The following DCC variants were observed in gnomAD, a reference collection of about 807,000 sequenced individuals.
DCC encodes DCC netrin 1 receptor.
Under a neutral mutation model 172.5 loss-of-function variants are expected in DCC, and 58 were observed. The observed-to-expected ratio is 0.34, with a 90% CI of 0.27 to 0.42. The LOEUF (loss-of-function observed/expected upper bound fraction) is 0.42. Among genes scored for constraint, DCC ranks in the 10% least tolerant of loss-of-function variants. DCC has a pLI of 1.00. For synonymous variants in DCC, 709 were observed against 644.5 expected, an observed-to-expected ratio of 1.10 and a Z score of -1.52; for missense variants, 1,740 against 1,791.0, an observed-to-expected ratio of 0.97 and a Z score of 0.51.
chr18:52,895,056 G>T (rs1234121093), intron 2 of DCC, among the ~76,000 whole-genome samples: 1 of 152,154 alleles, frequency 6.6e-6, no homozygotes, highest in African/African-American at 2.4e-5. Context: ...GTGCAGGTAG[G>T]GGTGCATGGA....
At chr18:52,620,894 G>A (rs747660494) in intron 1 of DCC, among the ~76,000 whole-genome samples, 4 of 152,148 alleles carry the variant, frequency 2.6e-5, no homozygotes, top group Non-Finnish European at 5.9e-5. Flanking sequence ...TATGCTGAAC[G>A]CTAGTTACTG....
At chr18:52,541,897 G>GTATATATATATATATATATATATATA (rs1330162034) in intron 1 of DCC, among the ~76,000 whole-genome samples, 5 of 43,460 alleles carry the variant, frequency 1.2e-4, no homozygotes, top group African/African-American at 4.2e-4. Context: ...ATATATATAT[G>GTATATATATATATATATATATATATA]TGTATATATA....
At chr18:53,453,445 C>T (rs940681290) in intron 23 of DCC, among the ~76,000 whole-genome samples, 2 of 151,608 alleles carry the variant, frequency 1.3e-5, no homozygotes, top group Non-Finnish European at 2.9e-5. Context: ...TTTTGGGGTT[C>T]TAGAGAATAT....
At chr18:52,356,017 A>C (rs1241497820) in intron 1 of DCC, among the ~76,000 whole-genome samples, 1 of 152,222 alleles carries the variant, frequency 6.6e-6, no homozygotes, top group Non-Finnish European at 1.5e-5. Context: ...TCCAGGCACC[A>C]GATCTCATCA....
At chr18:52,435,912 T>A (rs1234215989) in intron 1 of DCC, among the ~76,000 whole-genome samples, 1 of 152,154 alleles carries the variant, frequency 6.6e-6, no homozygotes, top group Non-Finnish European at 1.5e-5. Context: ...ATATACACAA[T>A]CCTGCCCGCT....
chr18:52,886,210 A>C (rs770661704), intron 2 of DCC, among the ~76,000 whole-genome samples: 1 of 152,096 alleles, frequency 6.6e-6, no homozygotes, highest in Non-Finnish European at 1.5e-5. Context: ...CTCTAAGCCC[A>C]GCCCAGGACT....
intron 7 of DCC, among the ~76,000 whole-genome samples, chr18:53,141,397 T>A (rs1221291815): frequency 6.6e-6 from 1 of 152,204 alleles, no homozygotes; most frequent in Non-Finnish European, 1.5e-5. Flanking sequence ...AAATTATTTA[T>A]CATAATCGTT....
chr18:53,495,389 CAAAAAA>C (rs71179511), intron 26 of DCC, among the ~76,000 whole-genome samples: 5 of 116,690 alleles, frequency 4.3e-5, no homozygotes, highest in Admixed American at 9.4e-5. Context: ...GACTCCATCT[CAAAAAA>C]AAAAAAAAAA....
intron 1 of DCC, among the ~76,000 whole-genome samples, chr18:52,679,556 A>G (rs2035707350): frequency 6.6e-6 from 1 of 152,120 alleles, no homozygotes; most frequent in South Asian, 2.1e-4. Context: ...GCAGGCCCAT[A>G]CTGTTTATCT....
intron 1 of DCC, among the ~76,000 whole-genome samples, chr18:52,364,976 T>C (rs1174487549): frequency 3.3e-5 from 5 of 152,098 alleles, no homozygotes; most frequent in Non-Finnish European, 7.4e-5. Flanking sequence ...ACTCTAAATA[T>C]GTAGAAAGTT....
intron 18 of DCC, among the ~76,000 whole-genome samples, chr18:53,402,379 G>T (rs1423669555): frequency 7.4e-6 from 1 of 134,278 alleles, no homozygotes; most frequent in East Asian, 2.2e-4. Context: ...AACAGAGCAA[G>T]ACCCTGTCTC....
chr18:53,452,296 T>C (rs1655809464), intron 23 of DCC, among the ~76,000 whole-genome samples: 2 of 152,348 alleles, frequency 1.3e-5, no homozygotes, highest in East Asian at 3.9e-4. Flanking sequence ...GCCTACCATA[T>C]AACTGCTTTC....
chr18:53,080,300 A>G (rs192656208), intron 7 of DCC, among the ~76,000 whole-genome samples: 202 of 152,186 alleles, frequency 1.3e-3, no homozygotes, highest in African/African-American at 4.5e-3. Flanking sequence ...AGGAAGAATG[A>G]CTTAAGTCCA....
chr18:53,293,806 G>A (rs1325615252), intron 12 of DCC, among the ~76,000 whole-genome samples: 3 of 152,038 alleles, frequency 2.0e-5, no homozygotes, highest in East Asian at 1.9e-4. Flanking sequence ...ATAGAGCTCC[G>A]AGCTTCATAT....
intron 5 of DCC, among the ~76,000 whole-genome samples, chr18:53,003,247 C>T (rs2041594133): frequency 6.6e-6 from 1 of 152,082 alleles, no homozygotes; most frequent in Non-Finnish European, 1.5e-5. Flanking sequence ...CAAGAAATCA[C>T]CATCCTTTAA....
chr18:53,421,295 C>G (rs754563581), intron 21 of DCC, among the ~76,000 whole-genome samples: 6 of 152,154 alleles, frequency 3.9e-5, no homozygotes, highest in Non-Finnish European at 8.8e-5. Context: ...CTCATTGTAA[C>G]AATAGGTGCT....
intron 9 of DCC, among the ~76,000 whole-genome samples, chr18:53,200,064 T>C (rs1216819240): frequency 6.6e-6 from 1 of 152,176 alleles, no homozygotes; most frequent in African/African-American, 2.4e-5. Flanking sequence ...CATCCTGTTG[T>C]TGTGAATACT....
chr18:52,761,213 C>T (rs1331090515), intron 2 of DCC, among the ~76,000 whole-genome samples: 1 of 152,152 alleles, frequency 6.6e-6, no homozygotes, highest in Non-Finnish European at 1.5e-5. Flanking sequence ...TGCAAGGTAA[C>T]TCCCCTTTTT....
intron 12 of DCC, among the ~76,000 whole-genome samples, chr18:53,293,704 T>A (rs1029907518): frequency 6.6e-6 from 1 of 152,132 alleles, no homozygotes; most frequent in African/African-American, 2.4e-5. Flanking sequence ...TGGTCCAGAA[T>A]TAGCATGCCA....
Sources: gnomAD v4.1 joint callset for allele counts (sites outside exome capture counted in the v4.1 genomes callset) on GRCh38, gnomAD v4.1.1 for gene constraint, MANE v1.5 for transcripts, NCBI Gene and HGNC (gene_info 2026-07-23, HGNC 2026-07-21) for gene names.